The following SSC5D variants were observed in gnomAD, a reference collection of about 807,000 sequenced individuals.
The protein encoded by SSC5D is scavenger receptor cysteine rich family member with 5 domains.
In SSC5D, 106 loss-of-function variants were observed where a neutral mutation model predicts 104.6. The ratio of observed to expected loss-of-function variants is 1.01; its 90% CI spans 0.87 to 1.19. SSC5D has a LOEUF of 1.19. SSC5D is among the 50% of genes most tolerant of loss of function. The pLI is 0.00. For synonymous variants in SSC5D, 860 were observed against 883.5 expected (o/e 0.97, Z 0.47); for missense variants, 1,993 against 2,153.8 (o/e 0.93, Z 1.48).
intron 9 of SSC5D, 141 bp from the exon 10 acceptor site, chr19:55,499,675 A>G (rs2123442145): frequency 1.3e-6 from 1 of 768,638 alleles, no homozygotes; most frequent in Non-Finnish European, 2.1e-6. Context: ...GGAGGTGCTC[A>G]ATAAATATTT....
In SSC5D at chr19:55,500,026, CA is replaced by C; in HGVS notation, c.1918del (p.Thr640ProfsTer6). ...KKWVTKNAKR[P>X]TTQPPVMPTT... Reference sequence around the variant, plus strand: ...TGGGTGACAAAAAATGCAAAGAGACCAACCACTCAACCCCCAGTGATGCCAA... The same window carrying C: ...TGGGTGACAAAAAATGCAAAGAGACCACCACTCAACCCCCAGTGATGCCAA... On this transcript the variant is annotated frameshift_variant, in exon 10 of 14. Transcript: ENST00000389623. LOFTEE classifies it high-confidence loss of function. The surrounding 1 kb of genome is among the most constrained non-coding windows in gnomAD (Gnocchi z 4.6). 2 of 1,551,820 alleles carry C rather than the reference CA, an allele frequency of 1.3e-6. No individual in the cohort carries two copies. The highest frequency in any genetic ancestry group is 2.7e-5 in the African/African-American group (2 of 73,096).
Position 55,489,549 on chromosome 19 carries a change from G to C in SSC5D, c.248G>C (p.Trp83Ser). 1 of 1,498,762 alleles carries C rather than the reference G, an allele frequency of 6.7e-7. No homozygotes were observed. Among genetic ancestry groups the C allele is most frequent in the Non-Finnish European group, 8.9e-7 (1 of 1,128,278 alleles). 92.8% of individuals were successfully genotyped at this position (1,498,762 alleles called of 1,614,324 possible). A position where few individuals can be genotyped will look rare whatever the true frequency, so the allele number is the denominator to read the frequency against. Residue 83 changes from tryptophan (W) to serine (S), a missense_variant, in exon 3 of 14, where the codon TGG (tryptophan) becomes TCG (serine). Trp to Ser is a radical substitution (Grantham distance 177). This residue lies in a region of SSC5D where 1,101 missense variants were observed against 1,085.0 expected (regional missense o/e 1.01). Coordinates refer to ENST00000389623, the MANE Select transcript of SSC5D (RefSeq NM_001144950.2). ...TTCGGGGAGGGGGCAGGGCCTGTGT[G>C]GCTCAGCGAGCTGGCTTGCCGGGGC... ...AFFGEGAGPVWLSELACRGNE... is the reference protein window; with the variant it reads ...AFFGEGAGPVSLSELACRGNE...
intron 12 of SSC5D, among the ~76,000 whole-genome samples, chr19:55,501,586 T>C (rs1356957245): frequency 6.6e-6 from 1 of 152,202 alleles, no homozygotes; most frequent in African/African-American, 2.4e-5. Context: ...GCTCACGCTC[T>C]GGTCCGGGCC....
In SSC5D at chr19:55,493,843, T is replaced by C; in HGVS notation, c.1144T>C (p.Phe382Leu). Residue 382 changes from phenylalanine (F) to leucine (L), a missense_variant, in exon 7 of 14, where the codon TTC becomes CTC. Phe to Leu is a conservative substitution (Grantham distance 22, BLOSUM62 0). This residue lies in a region of SSC5D where 1,101 missense variants were observed against 1,085.0 expected (regional missense o/e 1.01). Coordinates refer to ENST00000389623, the MANE Select transcript of SSC5D (RefSeq NM_001144950.2). ...RCRGNETALRFCPARPWGQHD... is the reference protein window; with the variant it reads ...RCRGNETALRLCPARPWGQHD... ...TCGGGGAAACGAGACGGCCTTACGA[T>C]TCTGCCCAGCTCGGCCCTGGGGCCA... 6.5e-7 allele frequency: 1 copy of C among 1,549,314 alleles called. No individual in the cohort carries two copies. The highest frequency in any genetic ancestry group is 1.4e-5 in the African/African-American group (1 of 73,050).
chr19:55,498,204 A>G lies in SSC5D; in HGVS notation c.1705+7A>G, dbSNP rs1324985414. 3 of 1,551,462 alleles carry G rather than the reference A, an allele frequency of 1.9e-6. No individual in the cohort carries two copies. The highest frequency in any genetic ancestry group is 1.4e-5 in the African/African-American group (1 of 73,030). ...GTTGGGGTCACCTGCACTGGTAAGG[A>G]GGCCCTAGCTATCTGTTGACTCCAG... is the stretch of plus-strand genomic sequence containing the variant. On this transcript the variant is annotated splice_region_variant and intron_variant, in intron 9 of 13. Coordinates refer to ENST00000389623, the MANE Select transcript of SSC5D (RefSeq NM_001144950.2).
rs756136708 is a variant in SSC5D, at chr19:55,489,570, G to A, written c.269G>A (p.Arg90Gln). 607 of 1,511,240 alleles carry A rather than the reference G, an allele frequency of 4.0e-4. 1 individual carries two copies. Among genetic ancestry groups the A allele is most frequent in the Non-Finnish European group, 5.0e-4 (569 of 1,134,874 alleles). The allele number at this position is 1,511,240 out of a possible 1,614,324, so 93.6% of individuals were successfully genotyped here. ...GPVWLSELAC[R>Q]GNEGQLGLCH... Reference sequence around the variant, plus strand: ...GTGTGGCTCAGCGAGCTGGCTTGCCGGGGCAACGAGGGGCAGCTGGGCCTC... The same window carrying A: ...GTGTGGCTCAGCGAGCTGGCTTGCCAGGGCAACGAGGGGCAGCTGGGCCTC... Residue 90 changes from arginine (R) to glutamine (Q), a missense_variant, in exon 3 of 14, where the codon CGG becomes CAG. Physicochemically the swap from Arg to Gln is conservative, Grantham distance 43 (BLOSUM62 1). Coordinates refer to ENST00000389623, the MANE Select transcript of SSC5D (RefSeq NM_001144950.2).
Position 55,518,495 on chromosome 19 carries a change from A to G in SSC5D, c.4219A>G (p.Thr1407Ala). 2 of 1,550,990 alleles carry G rather than the reference A, an allele frequency of 1.3e-6. No homozygotes were observed. Among genetic ancestry groups the G allele is most frequent in the African/African-American group, 2.7e-5 (2 of 72,896 alleles). Residue 1407 changes from threonine to alanine, a missense_variant, in exon 14 of 14, where the codon ACT (threonine) becomes GCT (alanine). Around this residue, in one of 6 missense-constraint regions of SSC5D, gnomAD observed 349 missense variants for 397.6 expected, o/e 0.88. Coordinates refer to ENST00000389623, the MANE Select transcript of SSC5D (RefSeq NM_001144950.2). ...AGCCACAAGCATGGACCCACTGTCC[A>G]CTGAGGACTTCAAGCCACCCAGAAG... Reference protein sequence around the residue: ...STATSMDPLSTEDFKPPRSQS... With the variant: ...STATSMDPLSAEDFKPPRSQS...
chr19:55,512,664 G>A (rs1206154257), intron 12 of SSC5D, among the ~76,000 whole-genome samples: 2 of 152,002 alleles, frequency 1.3e-5, no homozygotes, highest in East Asian at 3.9e-4. Flanking sequence ...TGTATATTTA[G>A]TGCAGATGGG....
Position 55,494,499 on chromosome 19 carries a change from A to G in SSC5D, c.1214-111A>G, listed in dbSNP as rs1987253852. The G allele has an allele frequency of 4.1e-6, 5 of 1,215,904 alleles. No homozygotes were observed. In the South Asian group the frequency reaches 8.2e-5, roughly 20 times the overall value. The allele number at this position is 1,215,904 out of a possible 1,614,324, so 75.3% of individuals were successfully genotyped here. ...TAGGGAGGAGGTTCGGCAGGAAGAG[A>G]TCTCTGCGTGCAGCTGAGAGGACTG... On this transcript the variant is annotated intron_variant, in intron 7 of 13. Transcript: ENST00000389623.
chr19:55,509,850 C>CAAAAAAAA (rs1250937223), intron 12 of SSC5D, among the ~76,000 whole-genome samples: 10 of 75,822 alleles, frequency 1.3e-4, no homozygotes, highest in Non-Finnish European at 1.6e-4. Context: ...AACTCTGTCT[C>CAAAAAAAA]AAAAAAAAAA....
chr19:55,494,649 A>T lies in SSC5D; in HGVS notation c.1253A>T (p.Asp418Val), dbSNP rs1034833935. Residue 418 changes from aspartate to valine, a missense_variant, in exon 8 of 14, where the codon GAC (aspartate) becomes GTC (valine). By Grantham distance (152) the Asp-to-Val change is radical (BLOSUM62 -3). Coordinates refer to ENST00000389623, the MANE Select transcript of SSC5D (RefSeq NM_001144950.2). ...TACGTCCCTCCCACGGCCCCCACGG[A>T]CAGCAACAACTCCACGCCCAGGGAG... Reference protein sequence around the residue: ...LGYVPPTAPTDSNNSTPREAA... With the variant: ...LGYVPPTAPTVSNNSTPREAA... The T allele has an allele frequency of 3.2e-6, 5 of 1,546,386 alleles. No homozygotes were observed. In the African/African-American group the frequency reaches 5.5e-5, roughly 17 times the overall value.
rs961554840 is a variant in SSC5D at position 55,489,752 on chromosome 19, TCAG to T, written c.361+94_361+96del. ...CCTTAGCCCCAGCAAGTCTGAGTGT[TCAG>T]CAGTTCAGAGACACCCAACCTCCCA... On this transcript the variant is annotated intron_variant, in intron 3 of 13. Transcript: ENST00000389623. 1.5e-5 allele frequency: 22 copies of T among 1,500,760 alleles called. No homozygotes were observed. The African/African-American group carries it at 3.0e-4, about 21-fold the overall frequency. 93.0% of individuals were successfully genotyped at this position (1,500,760 alleles called of 1,614,324 possible).
chr19:55,489,239 G>C (rs1987055451), intron 2 of SSC5D, 115 bp from the exon 3 acceptor site: 5 of 1,222,064 alleles, frequency 4.1e-6, no homozygotes, highest in East Asian at 6.0e-5. Context: ...CCAGTGAGCA[G>C]GGCCACTGGC....
chr19:55,489,526 C>A lies in SSC5D; in HGVS notation c.225C>A (p.Phe75Leu). 6.8e-7 allele frequency: 1 copy of A among 1,468,504 alleles called. No individual in the cohort carries two copies. The highest frequency in any genetic ancestry group is 1.4e-5 in the South Asian group (1 of 73,054). The allele number at this position is 1,468,504 out of a possible 1,614,324, so 91.0% of individuals were successfully genotyped here. ...GALAAPGGAF[F>L]GEGAGPVWLS... ...TGGCCGCCCCGGGAGGCGCCTTCTTCGGGGAGGGGGCAGGGCCTGTGTGGC... is the reference window on the plus strand; with the variant it reads ...TGGCCGCCCCGGGAGGCGCCTTCTTAGGGGAGGGGGCAGGGCCTGTGTGGC... The change falls in exon 3 of 14, where the codon TTC becomes TTA. Residue 75 changes from phenylalanine to leucine, a missense_variant. Physicochemically the swap from Phe to Leu is conservative, Grantham distance 22. Around this residue, in one of 6 missense-constraint regions of SSC5D, gnomAD observed 1,101 missense variants for 1,085.0 expected, o/e 1.01. Transcript: ENST00000389623.
Position 55,488,570 on chromosome 19 carries a change from C to T in SSC5D, c.-20C>T, listed in dbSNP as rs1486586410. ...CGCTCTCCTTCCCCTTTCACCCCAT[C>T]CCCTGCCCTGGCTGCAACCATGAGG... is the stretch of plus-strand genomic sequence containing the variant. On this transcript the variant is annotated 5_prime_UTR_variant, in exon 1 of 14. Transcript: ENST00000389623. The T allele has an allele frequency of 1.3e-6, 2 of 1,549,698 alleles. No homozygotes were observed. Among genetic ancestry groups the T allele is most frequent in the Non-Finnish European group, 1.7e-6 (2 of 1,146,102 alleles).
At position 55,490,101 on chromosome 19, in the gene SSC5D, C is replaced by T; in HGVS notation, c.475+106C>T. 7.5e-6 allele frequency: 3 copies of T among 399,492 alleles called. No individual in the cohort carries two copies. The South Asian group carries it at 1.4e-4, about 18-fold the overall frequency. The allele number at this position is 399,492 out of a possible 1,614,324, so 24.7% of individuals were successfully genotyped here. Reference sequence around the variant, plus strand: ...AACCCCCACCCAGCGTGCCCTCCTGCCCCCACCGAGGGGAGAGGGACCTCT... The same window carrying T: ...AACCCCCACCCAGCGTGCCCTCCTGTCCCCACCGAGGGGAGAGGGACCTCT... On this transcript the variant is annotated intron_variant, in intron 4 of 13. Transcript: ENST00000389623.
chr19:55,495,224 TA>T (rs1568476886), intron 8 of SSC5D, among the ~76,000 whole-genome samples: 1 of 24,978 alleles, frequency 4.0e-5, no homozygotes, highest in Non-Finnish European at 8.4e-5. Flanking sequence ...TTCATATATA[TA>T]TATATATATT....
chr19:55,488,856 A>G (rs1282125828), intron 1 of SSC5D, 150 bp from the exon 2 acceptor site: 1 of 1,016 alleles, frequency 9.8e-4, no homozygotes, highest in Non-Finnish European at 1.6e-3. Context: ...CAGACATCTG[A>G]CCTTTAGCCA....
Position 55,517,867 on chromosome 19 carries a change from T to C in SSC5D, c.3591T>C (p.Pro1197=). ...PTTITHSTMI[P]DPTTTPQPFT... ...CCATCACTCACTCCACCATGATTCC[T>C]GACCCCACCACAACCCCTCAACCCT... is the stretch of plus-strand genomic sequence containing the variant. Residue 1197 remains proline, a synonymous_variant, in exon 14 of 14, where the codon CCT becomes CCC. Transcript: ENST00000389623. The C allele has an allele frequency of 7.8e-7, 1 of 1,284,780 alleles. No homozygotes were observed. The highest frequency in any genetic ancestry group is 4.4e-5 in the East Asian group (1 of 22,930). 79.6% of individuals were successfully genotyped at this position (1,284,780 alleles called of 1,614,324 possible).
Sources: gnomAD v4.1 joint callset for allele counts (sites outside exome capture counted in the v4.1 genomes callset) on GRCh38, gnomAD v4.1.1 for gene constraint, gnomAD v4.1.1 regional missense constraint, Gnocchi (gnomAD v3.1) non-coding constraint, MANE v1.5 for transcripts, NCBI Gene and HGNC (gene_info 2026-07-23, HGNC 2026-07-21) for gene names.